The following WNT6 variants were observed in gnomAD, a reference collection of about 807,000 sequenced individuals.
WNT6 encodes Wnt family member 6, also known as protein Wnt-6.
A neutral mutation model predicts 33.1 loss-of-function variants in WNT6; 27 were observed. That is an observed-to-expected ratio of 0.82 (90% CI 0.60 to 1.12). The LOEUF (loss-of-function observed/expected upper bound fraction) is 1.12, where lower values mean the gene tolerates loss of function less well. Ranked by LOEUF, WNT6 falls within the 50% of genes most tolerant of loss-of-function variation. The pLI, the probability that WNT6 is intolerant of heterozygous loss-of-function variation, is 0.00. For synonymous variants in WNT6, 249 were observed against 242.8 expected (o/e 1.03, Z -0.24); for missense variants, 494 against 535.3 (o/e 0.92, Z 0.76).
chr2:218,865,377 G>A (rs910133052), intron 1 of WNT6, among the ~76,000 whole-genome samples: 9 of 152,236 alleles, frequency 5.9e-5, no homozygotes, highest in African/African-American at 1.7e-4. Flanking sequence ...AGGAGGAGCT[G>A]AGGGAGAGAA....
intron 1 of WNT6, among the ~76,000 whole-genome samples, chr2:218,863,035 G>A (rs920595413): frequency 1.3e-5 from 2 of 152,100 alleles, no homozygotes; most frequent in Non-Finnish European, 2.9e-5. Flanking sequence ...TCATCTCTTT[G>A]GTCTGAGCCC....
chr2:218,871,775 A>G lies in WNT6; in HGVS notation c.592A>G (p.Ile198Val). Residue 198 changes from isoleucine (I) to valine (V), a missense_variant, in exon 3 of 4, where the codon ATC becomes GTC. Coordinates refer to ENST00000233948, the MANE Select transcript of WNT6 (RefSeq NM_006522.4). The surrounding 1 kb of genome is among the most constrained non-coding windows in gnomAD (Gnocchi z 6.4). Reference protein sequence around the residue: ...DARHKRGRGDIRALVQLHNNE... With the variant: ...DARHKRGRGDVRALVQLHNNE... ...GCGGCACAAGCGGGGACGCGGAGACATCCGCGCGTTGGTGCAACTGCACAA... is the reference window on the plus strand; with the variant it reads ...GCGGCACAAGCGGGGACGCGGAGACGTCCGCGCGTTGGTGCAACTGCACAA... 1 of 1,601,176 alleles carries G rather than the reference A, an allele frequency of 6.2e-7. No homozygotes were observed. Among genetic ancestry groups the G allele is most frequent in the Non-Finnish European group, 8.5e-7 (1 of 1,175,016 alleles).
chr2:218,860,136 G>T lies in WNT6; in HGVS notation c.80+19G>T. On this transcript the variant is annotated intron_variant, in intron 1 of 3. Coordinates refer to ENST00000233948, the MANE Select transcript of WNT6 (RefSeq NM_006522.4). ...TGTGGTGGTGAGTCCGGCTGTCCTG[G>T]CGCGGCTCTGGACCCTGGAGGGTGG... is the stretch of plus-strand genomic sequence containing the variant. The T allele has an allele frequency of 6.6e-7, 1 of 1,513,150 alleles. No homozygotes were observed. 93.7% of individuals were successfully genotyped at this position (1,513,150 alleles called of 1,614,324 possible). A position where few individuals can be genotyped will look rare whatever the true frequency, so the allele number is the denominator to read the frequency against.
Position 218,871,636 on chromosome 2 carries a change from C to T in WNT6, c.453C>T (p.Thr151=). 6.8e-7 allele frequency: 1 copy of T among 1,480,332 alleles called. No individual in the cohort carries two copies. Among genetic ancestry groups the T allele is most frequent in the Non-Finnish European group, 8.9e-7 (1 of 1,119,840 alleles). The allele number at this position is 1,480,332 out of a possible 1,614,324, so 91.7% of individuals were successfully genotyped here. Residue 151 remains threonine, a synonymous_variant, in exon 3 of 4, where the codon ACC becomes ACT. Coordinates refer to ENST00000233948, the MANE Select transcript of WNT6 (RefSeq NM_006522.4). The surrounding 1 kb of genome is among the most constrained non-coding windows in gnomAD (Gnocchi z 6.4). ...CCCGGCCCTCCGGCCTGCCCGGCAC[C>T]CCCGGACCCCCTGGCCCCGCGGGCT... is the stretch of plus-strand genomic sequence containing the variant. ...APPRPSGLPG[T]PGPPGPAGSP...
At position 218,873,946 on chromosome 2, in the gene WNT6, C is replaced by A. The variant is rs1471090661; in HGVS notation, c.*101C>A. On this transcript the variant is annotated 3_prime_UTR_variant, in exon 4 of 4. Transcript: ENST00000233948. This position sits in a 1 kb window ranked among gnomAD's most constrained non-coding sequence, Gnocchi z 6.1. ...GCGCCTCTCGCCGCTCGAGCCCAGC[C>A]TCTCCCTGCCAAAGCCCAACTCCCA... 1.6e-6 allele frequency: 2 copies of A among 1,217,848 alleles called. No individual in the cohort carries two copies. The highest frequency in any genetic ancestry group is 2.2e-6 in the Non-Finnish European group (2 of 921,108). 75.4% of individuals were successfully genotyped at this position (1,217,848 alleles called of 1,614,324 possible).
At chr2:218,860,439 TG>T in intron 1 of WNT6, among the ~76,000 whole-genome samples, 1 of 152,208 alleles carries the variant, frequency 6.6e-6, no homozygotes, top group East Asian at 1.9e-4. Context: ...AGGAGGGCCC[TG>T]GATTCAGGGT....
At chr2:218,864,979 G>A (rs1944341662) in intron 1 of WNT6, among the ~76,000 whole-genome samples, 1 of 152,230 alleles carries the variant, frequency 6.6e-6, no homozygotes, top group African/African-American at 2.4e-5. Context: ...GGATACAATG[G>A]GGCTGTGAGC....
chr2:218,871,009 C>T lies in WNT6; in HGVS notation c.81-18C>T, dbSNP rs200975565. 1 of 1,585,668 alleles carries T rather than the reference C, an allele frequency of 6.3e-7. No individual in the cohort carries two copies. Among genetic ancestry groups the T allele is most frequent in the East Asian group, 2.3e-5 (1 of 44,298 alleles). On this transcript the variant is annotated intron_variant, in intron 1 of 3. Transcript: ENST00000233948. This position sits in a 1 kb window ranked among gnomAD's most constrained non-coding sequence, Gnocchi z 6.4. ...TTTTTTGGGTTACACCCCTGACCTGCTATTCTCTGCTTTCCAGGGCTGTGG... is the reference window on the plus strand; with the variant it reads ...TTTTTTGGGTTACACCCCTGACCTGTTATTCTCTGCTTTCCAGGGCTGTGG...
chr2:218,870,948 A>C, intron 1 of WNT6, 79 bp from the exon 2 acceptor site: 1 of 1,352,568 alleles, frequency 7.4e-7, no homozygotes, highest in Non-Finnish European at 1.0e-6. Flanking sequence ...CTGCGGGCTG[A>C]GTGGGGCTGG....
chr2:218,866,087 C>T (rs1464182618), intron 1 of WNT6, among the ~76,000 whole-genome samples: 4 of 152,056 alleles, frequency 2.6e-5, no homozygotes, highest in African/African-American at 4.8e-5. Context: ...CAGGCCCGGC[C>T]CAGCCGCCTC....
intron 1 of WNT6, among the ~76,000 whole-genome samples, chr2:218,861,379 T>C (rs1330221633): frequency 1.3e-5 from 2 of 152,150 alleles, no homozygotes; most frequent in African/African-American, 2.4e-5. Flanking sequence ...CTAAACATTA[T>C]GTTTGTGATC....
Position 218,859,928 on chromosome 2 carries a change from C to A in WNT6, c.-110C>A, listed in dbSNP as rs953865070. ...CGCCGCCGGATCCCTCGCCTCCCGG[C>A]CGCCGCCGTTGCGCTCGCCGCGCTC... is the stretch of plus-strand genomic sequence containing the variant. On this transcript the variant is annotated 5_prime_UTR_variant, in exon 1 of 4. Transcript: ENST00000233948. 8.6e-6 allele frequency: 8 copies of A among 929,052 alleles called. No homozygotes were observed. The Admixed American group carries it at 3.5e-4, about 40-fold the overall frequency. The allele number at this position is 929,052 out of a possible 1,614,324, so 57.6% of individuals were successfully genotyped here.
Position 218,871,166 on chromosome 2 carries a change from C to T in WNT6, c.220C>T (p.Arg74Ter), listed in dbSNP as rs1272538134. The part of the protein sequence containing the change: ...ELARGARLGV[R>*]ECQFQFRFRR... Reference sequence around the variant, plus strand: ...AGCTCGGGGCGCCCGGCTCGGGGTGCGAGAGTGCCAGTTCCAGTTCCGCTT... The same window carrying T: ...AGCTCGGGGCGCCCGGCTCGGGGTGTGAGAGTGCCAGTTCCAGTTCCGCTT... The change falls in exon 2 of 4, where the codon CGA becomes TGA. Residue 74 changes from arginine (R) to a stop codon, truncating the protein, a stop_gained. Transcript: ENST00000233948. LOFTEE classifies it high-confidence loss of function. The surrounding 1 kb of genome is among the most constrained non-coding windows in gnomAD (Gnocchi z 6.4). 1.9e-6 allele frequency: 3 copies of T among 1,613,600 alleles called. No individual in the cohort carries two copies. Among genetic ancestry groups the T allele is most frequent in the Admixed American group, 1.7e-5 (1 of 60,006 alleles).
intron 1 of WNT6, among the ~76,000 whole-genome samples, chr2:218,863,798 G>A (rs1944330918): frequency 1.3e-5 from 2 of 152,164 alleles, no homozygotes; most frequent in South Asian, 2.1e-4. Flanking sequence ...GCAGTGAACC[G>A]AGATCCATGC....
At chr2:218,860,915 A>G (rs1393512996) in intron 1 of WNT6, among the ~76,000 whole-genome samples, 3 of 151,790 alleles carry the variant, frequency 2.0e-5, no homozygotes, top group Non-Finnish European at 4.4e-5. Flanking sequence ...GCGGGGAAGG[A>G]GGGTGCCCGA....
intron 1 of WNT6, among the ~76,000 whole-genome samples, chr2:218,863,937 C>T (rs761394296): frequency 6.6e-6 from 1 of 152,158 alleles, no homozygotes; most frequent in East Asian, 1.9e-4. Flanking sequence ...TTACAGAATC[C>T]CAGATTCAAG....
chr2:218,861,734 CCT>C (rs1240793967), intron 1 of WNT6, among the ~76,000 whole-genome samples: 1 of 152,180 alleles, frequency 6.6e-6, no homozygotes, highest in South Asian at 2.1e-4. Flanking sequence ...CCTCCCTCCC[CCT>C]CTGTCTAAAT....
At position 218,860,043 on chromosome 2, in the gene WNT6, G is replaced by C; in HGVS notation, c.6G>C (p.Leu2=). The C allele has an allele frequency of 6.6e-7, 1 of 1,507,584 alleles. No individual in the cohort carries two copies. Among genetic ancestry groups the C allele is most frequent in the Non-Finnish European group, 8.8e-7 (1 of 1,133,868 alleles). 93.4% of individuals were successfully genotyped at this position (1,507,584 alleles called of 1,614,324 possible). The change falls in exon 1 of 4, where the codon CTG becomes CTC. Residue 2 remains leucine (L), a synonymous_variant. Coordinates refer to ENST00000233948, the MANE Select transcript of WNT6 (RefSeq NM_006522.4). M[L]PPLPSRLGLL... ...GCGGCCGTAGGGCGGTCACGATGCT[G>C]CCGCCCTTACCCTCCCGCCTCGGGC...
chr2:218,869,033 T>C (rs1021025821), intron 1 of WNT6, among the ~76,000 whole-genome samples: 3 of 151,952 alleles, frequency 2.0e-5, no homozygotes, highest in African/African-American at 7.3e-5. Flanking sequence ...CACTGGGTCA[T>C]TGGGGTGCCC....
Sources: gnomAD v4.1 joint callset for allele counts (sites outside exome capture counted in the v4.1 genomes callset) on GRCh38, gnomAD v4.1.1 for gene constraint, Gnocchi (gnomAD v3.1) non-coding constraint, MANE v1.5 for transcripts, NCBI Gene and HGNC (gene_info 2026-07-23, HGNC 2026-07-21) for gene names.